SMIM3: variants seen among roughly 807,000 people sequenced by gnomAD.
SMIM3 encodes NGF-induced differentiation clone 67 protein.
In SMIM3, 4 loss-of-function variants were observed where a neutral mutation model predicts 2.1. The observed-to-expected ratio is 1.89, with a 90% CI of 0.93 to 4.31. The LOEUF (loss-of-function observed/expected upper bound fraction) is 4.31. SMIM3 is among the 30% of genes most tolerant of loss of function. SMIM3 has a pLI of 0.01. For missense variants in SMIM3, 79 were observed against 77.7 expected (o/e 1.02, Z -0.06); for synonymous variants, 29 against 30.8 (o/e 0.94, Z 0.19).
At chr5:150,789,859 C>A (rs191899510) in intron 1 of SMIM3, among the ~76,000 whole-genome samples, 1 of 152,306 alleles carries the variant, frequency 6.6e-6, no homozygotes, top group Non-Finnish European at 1.5e-5. Context: ...GTATTCAGCT[C>A]TGCTGGGTAG....
chr5:150,794,998 G>A (rs1753387611), intron 1 of SMIM3, among the ~76,000 whole-genome samples: 1 of 152,110 alleles, frequency 6.6e-6, no homozygotes, highest in Admixed American at 6.5e-5. Context: ...TCATTTTATA[G>A]ATGAGAGAAC....
intron 1 of SMIM3, among the ~76,000 whole-genome samples, chr5:150,787,971 C>A (rs1464055035): frequency 7.9e-5 from 12 of 152,014 alleles, no homozygotes; most frequent in Non-Finnish European, 5.9e-5. Flanking sequence ...ATATCCTGGA[C>A]AGAGTTACTT....
At chr5:150,779,006 C>T (rs1170368592) in intron 1 of SMIM3, 34 bp downstream of exon 1, 2 of 477,642 alleles carry the variant, frequency 4.2e-6, no homozygotes, top group Admixed American at 4.6e-5. Context: ...GTTTGTGGGG[C>T]TCTGGCAGAG....
intron 1 of SMIM3, among the ~76,000 whole-genome samples, chr5:150,781,070 T>C (rs1753228016): frequency 1.3e-5 from 2 of 152,344 alleles, no homozygotes; most frequent in South Asian, 4.1e-4. Flanking sequence ...GGAGGGACTG[T>C]CATCACCTCC....
At chr5:150,779,246 C>T (rs1221637776) in intron 1 of SMIM3, among the ~76,000 whole-genome samples, 2 of 152,150 alleles carry the variant, frequency 1.3e-5, no homozygotes, top group Admixed American at 6.5e-5. Flanking sequence ...GAACCCCAGC[C>T]CCACTCGGAG....
chr5:150,791,202 T>G (rs1303860565), intron 1 of SMIM3, among the ~76,000 whole-genome samples: 1 of 152,176 alleles, frequency 6.6e-6, no homozygotes, highest in East Asian at 1.9e-4. Flanking sequence ...CCTACTTAAT[T>G]CTACAAAATC....
chr5:150,782,090 C>T (rs1018790070), intron 1 of SMIM3, among the ~76,000 whole-genome samples: 2 of 152,194 alleles, frequency 1.3e-5, no homozygotes, highest in Admixed American at 1.3e-4. Context: ...TTTGGAGAGA[C>T]AGGGGCCAGT....
In SMIM3 at chr5:150,796,186, A is replaced by T. The variant is rs1753406359; in HGVS notation, c.*563A>T. 1 of 154,232 alleles carries T rather than the reference A, an allele frequency of 6.5e-6. No homozygotes were observed. Among genetic ancestry groups the T allele is most frequent in the Non-Finnish European group, 1.5e-5 (1 of 68,916 alleles). 9.6% of individuals were successfully genotyped at this position (154,232 alleles called of 1,614,324 possible). A position where few individuals can be genotyped will look rare whatever the true frequency, so the allele number is the denominator to read the frequency against. ...AGCTTTCCAGAACCTTCTCCATTCC[A>T]GAATCTCTGCCCCTGTGTAATCTGA... On this transcript the variant is annotated 3_prime_UTR_variant, in exon 2 of 2. Coordinates refer to ENST00000526627, the MANE Select transcript of SMIM3 (RefSeq NM_032947.5).
chr5:150,783,566 T>C (rs1753258358), intron 1 of SMIM3, among the ~76,000 whole-genome samples: 3 of 152,262 alleles, frequency 2.0e-5, no homozygotes, highest in African/African-American at 7.2e-5. Flanking sequence ...CTGGCAGTGC[T>C]GGGCTAAGGC....
At chr5:150,783,851 T>C (rs1023025968) in intron 1 of SMIM3, among the ~76,000 whole-genome samples, 3 of 151,908 alleles carry the variant, frequency 2.0e-5, no homozygotes, top group African/African-American at 4.8e-5. Context: ...TTTCCTACAT[T>C]GGGCCCAGAT....
At chr5:150,788,416 C>G (rs1011271345) in intron 1 of SMIM3, among the ~76,000 whole-genome samples, 3 of 151,906 alleles carry the variant, frequency 2.0e-5, no homozygotes, top group Admixed American at 2.0e-4. Context: ...GGGCGGATCA[C>G]TTGAGGCCAG....
At chr5:150,792,080 A>G (rs1289382612) in intron 1 of SMIM3, among the ~76,000 whole-genome samples, 1 of 152,158 alleles carries the variant, frequency 6.6e-6, no homozygotes, top group Non-Finnish European at 1.5e-5. Flanking sequence ...CCTTGTATGT[A>G]TTTCTTGGGT....
intron 1 of SMIM3, among the ~76,000 whole-genome samples, chr5:150,781,454 A>G (rs1412158298): frequency 6.6e-6 from 1 of 152,376 alleles, no homozygotes; most frequent in East Asian, 1.9e-4. Context: ...GGCACATTAA[A>G]CAACAGCAAG....
intron 1 of SMIM3, among the ~76,000 whole-genome samples, chr5:150,785,278 G>A (rs1753278788): frequency 6.6e-6 from 1 of 151,314 alleles, no homozygotes; most frequent in African/African-American, 2.4e-5. Context: ...AGTAGAGACA[G>A]GTTTCACCAT....
chr5:150,779,399 G>A (rs960986760), intron 1 of SMIM3, among the ~76,000 whole-genome samples: 3 of 152,158 alleles, frequency 2.0e-5, no homozygotes, highest in Non-Finnish European at 4.4e-5. Context: ...CGCTGGGTTT[G>A]GGTCTTTGCA....
At chr5:150,788,168 C>T (rs1457525068) in intron 1 of SMIM3, among the ~76,000 whole-genome samples, 1 of 152,040 alleles carries the variant, frequency 6.6e-6, no homozygotes, top group Non-Finnish European at 1.5e-5. Flanking sequence ...AACTAGAAAA[C>T]TTGCCAAATG....
At chr5:150,794,560 C>A (rs996649515) in intron 1 of SMIM3, among the ~76,000 whole-genome samples, 1 of 152,204 alleles carries the variant, frequency 6.6e-6, no homozygotes. Flanking sequence ...AGTGATGTAA[C>A]TCAGGAATGG....
At position 150,796,056 on chromosome 5, in the gene SMIM3, G is replaced by A. The variant is rs146786057; in HGVS notation, c.*433G>A. ...TGCCCCTCAGGTCAAACCAAGCCAA[G>A]AGCACCCTGTCCCCATTCCAAGGGG... On this transcript the variant is annotated 3_prime_UTR_variant, in exon 2 of 2. Coordinates refer to ENST00000526627, the MANE Select transcript of SMIM3 (RefSeq NM_032947.5). 1 of 169,884 alleles carries A rather than the reference G, an allele frequency of 5.9e-6. No homozygotes were observed. Among genetic ancestry groups the A allele is most frequent in the East Asian group, 1.6e-4 (1 of 6,312 alleles). The allele number at this position is 169,884 out of a possible 1,614,324, so 10.5% of individuals were successfully genotyped here.
intron 1 of SMIM3, among the ~76,000 whole-genome samples, chr5:150,785,889 A>C (rs969825636): frequency 6.6e-6 from 1 of 152,022 alleles, no homozygotes; most frequent in African/African-American, 2.4e-5. Flanking sequence ...GGCCAGATTT[A>C]CTATATTTCT....
Sources: gnomAD v4.1 joint callset for allele counts (sites outside exome capture counted in the v4.1 genomes callset) on GRCh38, gnomAD v4.1.1 for gene constraint, MANE v1.5 for transcripts, NCBI Gene and HGNC (gene_info 2026-07-23, HGNC 2026-07-21) for gene names.